KIRREL3: variants seen among roughly 807,000 people sequenced by gnomAD.
KIRREL3 encodes the protein kin of IRRE-like protein 3.
KIRREL3 carries 36 observed loss-of-function variants against 89.7 expected under a neutral mutation model. The observed-to-expected ratio is 0.40, with a 90% CI of 0.31 to 0.53. The LOEUF (loss-of-function observed/expected upper bound fraction) is 0.53. Ranked by LOEUF, KIRREL3 falls within the 20% of genes least tolerant of loss-of-function variation. KIRREL3 has a pLI of 0.49. For synonymous variants in KIRREL3, 445 were observed against 441.4 expected (o/e 1.01, Z -0.10); for missense variants, 864 against 1,056.6 (o/e 0.82, Z 2.53).
chr11:126,958,017 A>G (rs970242425), intron 1 of KIRREL3, among the ~76,000 whole-genome samples: 8 of 152,208 alleles, frequency 5.3e-5, no homozygotes, highest in Admixed American at 6.5e-5. Context: ...TATCATCTTG[A>G]AAGCCTTACA....
chr11:126,526,538 T>A lies in KIRREL3; in HGVS notation c.283A>T (p.Ser95Cys). The A allele has an allele frequency of 6.2e-7, 1 of 1,612,368 alleles. No individual in the cohort carries two copies. The highest frequency in any genetic ancestry group is 8.5e-7 in the Non-Finnish European group (1 of 1,178,984). The change falls in exon 3 of 17, where the codon AGT becomes TGT. Residue 95 changes from serine to cysteine, a missense_variant and splice_region_variant. Physicochemically the swap from Ser to Cys is moderately radical, Grantham distance 112. Transcript: ENST00000525144. The surrounding 1 kb of genome is among the most constrained non-coding windows in gnomAD (Gnocchi z 5.7). ...LALGVGRDLS[S>C]YPQYLVVGNH... Reference sequence around the variant, plus strand: ...CCCCAGGAGGTCTGGAGGTACTCACTTGAGAGGTCCCTGCCCACACCCAGA... The same window carrying A: ...CCCCAGGAGGTCTGGAGGTACTCACATGAGAGGTCCCTGCCCACACCCAGA...
rs1956896548 is a variant in KIRREL3 at position 126,471,688 on chromosome 11, T to A, written c.591+1621A>T. 6.6e-6 allele frequency among the ~76,000 whole-genome samples: 1 copy of A among 151,940 alleles called. No homozygotes were observed. The highest frequency in any genetic ancestry group is 1.5e-5 in the Non-Finnish European group (1 of 67,980). ...AGGGTAGGGGTATAATGTCCTGGAC[T>A]ATGGAGCCTGATGAAAAAAGGCTGT... On this transcript the variant is annotated intron_variant, in intron 5 of 16. Coordinates refer to ENST00000525144, the MANE Select transcript of KIRREL3 (RefSeq NM_032531.4). The surrounding 1 kb of genome is among the most constrained non-coding windows in gnomAD (Gnocchi z 5.4).
chr11:126,549,056 T>C (rs1939047584), intron 2 of KIRREL3, among the ~76,000 whole-genome samples: 1 of 152,186 alleles, frequency 6.6e-6, no homozygotes, highest in South Asian at 2.1e-4. Flanking sequence ...GGTTGAGAAG[T>C]GCTGCTCTTT....
rs1948622525 is a variant in KIRREL3 at position 126,946,470 on chromosome 11, A to G, written c.55+53985T>C. 6.6e-6 allele frequency among the ~76,000 whole-genome samples: 1 copy of G among 152,252 alleles called. No individual in the cohort carries two copies. Among genetic ancestry groups the G allele is most frequent in the South Asian group, 2.1e-4 (1 of 4,832 alleles). On this transcript the variant is annotated intron_variant, in intron 1 of 16. Coordinates refer to ENST00000525144, the MANE Select transcript of KIRREL3 (RefSeq NM_032531.4). This position sits in a 1 kb window ranked among gnomAD's most constrained non-coding sequence, Gnocchi z 4.1. ...ATTTACACACAGTTGAAAAAGGACT[A>G]ATACAAATGCCCATAAAATCTACAG...
rs981048892 is a variant in KIRREL3 at position 126,498,636 on chromosome 11, C to T, written c.433+22679G>A. 5.9e-5 allele frequency among the ~76,000 whole-genome samples: 9 copies of T among 152,170 alleles called. No homozygotes were observed. The highest frequency in any genetic ancestry group is 2.6e-4 in the Admixed American group (4 of 15,284). ...GTCACAGCCAGGAGGGGAAGGGGCC[C>T]GTGACCTGGCACCCTGTGACGACAA... On this transcript the variant is annotated intron_variant, in intron 4 of 16. Coordinates refer to ENST00000525144, the MANE Select transcript of KIRREL3 (RefSeq NM_032531.4). This position sits in a 1 kb window ranked among gnomAD's most constrained non-coding sequence, Gnocchi z 4.3.
intron 1 of KIRREL3, among the ~76,000 whole-genome samples, chr11:126,596,409 A>G (rs962830828): frequency 1.3e-5 from 2 of 152,240 alleles, no homozygotes; most frequent in Non-Finnish European, 2.9e-5. Context: ...GAGGTAAAGT[A>G]ACATGCCCAA....
At chr11:126,511,047 C>CTGTGTGTGTGTGTGTG (rs55885385) in intron 4 of KIRREL3, among the ~76,000 whole-genome samples, 335 of 142,256 alleles carry the variant, frequency 2.4e-3, no homozygotes, top group African/African-American at 8.9e-3. Context: ...ATCTGCAGTG[C>CTGTGTGTGTGTGTGTG]TGTGTGTGTG....
rs750518947 is a variant in KIRREL3, at chr11:126,635,587, C to T, written c.56-72675G>A. ...GGTTCCCATTGTACACCCCCAGCAA[C>T]GAGCCCCCCTGCCAGCCCAGAGTAA... On this transcript the variant is annotated intron_variant, in intron 1 of 16. Coordinates refer to ENST00000525144, the MANE Select transcript of KIRREL3 (RefSeq NM_032531.4). This position sits in a 1 kb window ranked among gnomAD's most constrained non-coding sequence, Gnocchi z 4.0. Among the ~76,000 whole-genome samples, 11 of 152,078 alleles carry T rather than the reference C, an allele frequency of 7.2e-5. No individual in the cohort carries two copies. Among genetic ancestry groups the T allele is most frequent in the South Asian group, 6.2e-4 (3 of 4,822 alleles).
intron 15 of KIRREL3, among the ~76,000 whole-genome samples, 192 bp from the exon 16 acceptor site, chr11:126,425,916 G>C (rs376146953): frequency 2.7e-4 from 41 of 152,338 alleles, no homozygotes; most frequent in Admixed American, 6.5e-4. Context: ...GCAGTTGAGG[G>C]GGGTGGGTGA....
At chr11:126,774,897 T>C (rs1034921755) in intron 1 of KIRREL3, among the ~76,000 whole-genome samples, 2 of 152,204 alleles carry the variant, frequency 1.3e-5, no homozygotes, top group African/African-American at 4.8e-5. Flanking sequence ...TTGCTGCTCC[T>C]GCTCCTGTCT....
In KIRREL3 at chr11:126,501,110, T is replaced by G. The variant is rs1957846124; in HGVS notation, c.433+20205A>C. On this transcript the variant is annotated intron_variant, in intron 4 of 16. Coordinates refer to ENST00000525144, the MANE Select transcript of KIRREL3 (RefSeq NM_032531.4). This position sits in a 1 kb window ranked among gnomAD's most constrained non-coding sequence, Gnocchi z 5.8. ...TTTCATTTCCTTGCTGTGAGCCTTG[T>G]GCGAGGCAGGATATCTCCAGTGCAA... Among the ~76,000 whole-genome samples the G allele has an allele frequency of 6.6e-6, 1 of 152,142 alleles. No individual in the cohort carries two copies. Among genetic ancestry groups the G allele is most frequent in the East Asian group, 1.9e-4 (1 of 5,186 alleles).
In KIRREL3 at chr11:126,744,953, A is replaced by G. The variant is rs1356472439; in HGVS notation, c.56-182041T>C. On this transcript the variant is annotated intron_variant, in intron 1 of 16. Coordinates refer to ENST00000525144, the MANE Select transcript of KIRREL3 (RefSeq NM_032531.4). This position sits in a 1 kb window ranked among gnomAD's most constrained non-coding sequence, Gnocchi z 4.7. ...AAGAAGTTGACTCACTTTCAGACAC[A>G]TTAGGTTGGAGGTGATGCGAACTGT... Among the ~76,000 whole-genome samples the G allele has an allele frequency of 6.6e-6, 1 of 151,820 alleles. No individual in the cohort carries two copies. Among genetic ancestry groups the G allele is most frequent in the South Asian group, 2.1e-4 (1 of 4,822 alleles).
intron 4 of KIRREL3, among the ~76,000 whole-genome samples, chr11:126,482,720 T>C (rs1197382426): frequency 6.6e-6 from 1 of 152,206 alleles, no homozygotes; most frequent in Non-Finnish European, 1.5e-5. Context: ...TGCTGGGAGC[T>C]GGGTGAAGAC....
Position 126,977,898 on chromosome 11 carries a change from T to C in KIRREL3, c.55+22557A>G, listed in dbSNP as rs530901720. The stretch of plus-strand genomic sequence containing the variant: ...TGATATTTTGGATCAGGAAAGAGCA[T>C]CAATTTCCTGTGTACCACACAGTCA... On this transcript the variant is annotated intron_variant, in intron 1 of 16. Transcript: ENST00000525144. The surrounding 1 kb of genome is among the most constrained non-coding windows in gnomAD (Gnocchi z 4.7). Among the ~76,000 whole-genome samples, 15 of 152,148 alleles carry C rather than the reference T, an allele frequency of 9.9e-5. No homozygotes were observed. Among genetic ancestry groups the C allele is most frequent in the Non-Finnish European group, 2.1e-4 (14 of 68,014 alleles).
rs1435985282 is a variant in KIRREL3, at chr11:126,993,087, T to A, written c.55+7368A>T. 6.6e-6 allele frequency among the ~76,000 whole-genome samples: 1 copy of A among 151,276 alleles called. No homozygotes were observed. The highest frequency in any genetic ancestry group is 1.5e-5 in the Non-Finnish European group (1 of 67,538). Reference sequence around the variant, plus strand: ...ATTAAAAAGTATATTTCCATTCAATTTTACATTTTTAGCCCCATGTGAAAC... The same window carrying A: ...ATTAAAAAGTATATTTCCATTCAATATTACATTTTTAGCCCCATGTGAAAC... On this transcript the variant is annotated intron_variant, in intron 1 of 16. Coordinates refer to ENST00000525144, the MANE Select transcript of KIRREL3 (RefSeq NM_032531.4). The surrounding 1 kb of genome is among the most constrained non-coding windows in gnomAD (Gnocchi z 6.1).
rs975517789 is a variant in KIRREL3 at position 126,978,228 on chromosome 11, A to G, written c.55+22227T>C. On this transcript the variant is annotated intron_variant, in intron 1 of 16. Coordinates refer to ENST00000525144, the MANE Select transcript of KIRREL3 (RefSeq NM_032531.4). This position sits in a 1 kb window ranked among gnomAD's most constrained non-coding sequence, Gnocchi z 4.2. ...TTGCTTCTGCCCTTCCTCTTCTCCAACATTTTCTTTGAAAGGTGACCCTGC... is the reference window on the plus strand; with the variant it reads ...TTGCTTCTGCCCTTCCTCTTCTCCAGCATTTTCTTTGAAAGGTGACCCTGC... Among the ~76,000 whole-genome samples the G allele has an allele frequency of 2.6e-5, 4 of 152,098 alleles. No individual in the cohort carries two copies. Among genetic ancestry groups the G allele is most frequent in the Admixed American group, 1.3e-4 (2 of 15,268 alleles).
Position 126,425,042 on chromosome 11 carries a change from G to C in KIRREL3, c.1894-19C>G. 6.7e-7 allele frequency: 1 copy of C among 1,498,682 alleles called. No individual in the cohort carries two copies. The highest frequency in any genetic ancestry group is 8.9e-7 in the Non-Finnish European group (1 of 1,122,972). The allele number at this position is 1,498,682 out of a possible 1,614,324, so 92.8% of individuals were successfully genotyped here. A position where few individuals can be genotyped will look rare whatever the true frequency, so the allele number is the denominator to read the frequency against. On this transcript the variant is annotated intron_variant, in intron 16 of 16. Transcript: ENST00000525144. Reference sequence around the variant, plus strand: ...TGGGGTCCTGGATGGGCGAGAGGAAGAGGAGCGTCACCTGGTGGAGTCTCC... The same window carrying C: ...TGGGGTCCTGGATGGGCGAGAGGAACAGGAGCGTCACCTGGTGGAGTCTCC...
chr11:126,960,639 CAG>C (rs1214480857), intron 1 of KIRREL3, among the ~76,000 whole-genome samples: 1 of 152,222 alleles, frequency 6.6e-6, no homozygotes, highest in Non-Finnish European at 1.5e-5. Flanking sequence ...AAATGCCAGA[CAG>C]AAGGCTGACA....
intron 1 of KIRREL3, among the ~76,000 whole-genome samples, chr11:126,726,522 C>T (rs1948388105): frequency 6.6e-6 from 1 of 152,182 alleles, no homozygotes. Context: ...CATGCACCGC[C>T]ACGCCTGGCT....
Sources: gnomAD v4.1 joint callset for allele counts (sites outside exome capture counted in the v4.1 genomes callset) on GRCh38, gnomAD v4.1.1 for gene constraint, Gnocchi (gnomAD v3.1) non-coding constraint, MANE v1.5 for transcripts, NCBI Gene and HGNC (gene_info 2026-07-23, HGNC 2026-07-21) for gene names.